GRM7: variants seen among roughly 807,000 people sequenced by gnomAD.
GRM7 encodes glutamate metabotropic receptor 7.
In GRM7, 35 loss-of-function variants were observed where a neutral mutation model predicts 84.5. The ratio of observed to expected loss-of-function variants is 0.41; its 90% CI spans 0.32 to 0.55. GRM7 has a LOEUF of 0.55. Among genes scored for constraint, GRM7 ranks in the 20% least tolerant of loss-of-function variants. GRM7 has a pLI of 0.19. For missense variants in GRM7, 1,003 were observed against 1,194.6 expected (o/e 0.84, Z 2.36); for synonymous variants, 487 against 455.1 (o/e 1.07, Z -0.89).
At chr3:7,329,734 CGT>C (rs1052413334) in intron 4 of GRM7, among the ~76,000 whole-genome samples, 1 of 151,834 alleles carries the variant, frequency 6.6e-6, no homozygotes, top group Admixed American at 6.6e-5. Context: ...TGTGTGTATA[CGT>C]GTGTGTGTTT....
At chr3:6,994,143 G>T (rs534127288) in intron 1 of GRM7, among the ~76,000 whole-genome samples, 1 of 152,158 alleles carries the variant, frequency 6.6e-6, no homozygotes, top group Non-Finnish European at 1.5e-5. Context: ...AGAAAATATT[G>T]AGCCAATAGA....
chr3:7,093,052 G>A (rs1055354235), intron 1 of GRM7, among the ~76,000 whole-genome samples: 1 of 152,006 alleles, frequency 6.6e-6, no homozygotes, highest in African/African-American at 2.4e-5. Context: ...AACAGAACAA[G>A]ACCCTGTCTC....
intron 1 of GRM7, among the ~76,000 whole-genome samples, chr3:7,122,936 T>TG (rs35043485): frequency 0.56 from 85,204 of 152,008 alleles, 26,512 homozygotes; most frequent in African/African-American, 0.85. Flanking sequence ...GGGAACAACC[T>TG]GCAGCTATAA....
intron 7 of GRM7, among the ~76,000 whole-genome samples, chr3:7,464,701 G>A (rs996187517): frequency 3.6e-4 from 54 of 151,880 alleles, no homozygotes; most frequent in Admixed American, 2.9e-3. Context: ...GGTGGCGGGC[G>A]CCTGTAGTCC....
intron 5 of GRM7, among the ~76,000 whole-genome samples, chr3:7,448,094 G>A (rs192107762): frequency 2.0e-5 from 3 of 151,762 alleles, no homozygotes; most frequent in African/African-American, 4.8e-5. Context: ...ATTTTTTATG[G>A]CCGCATAGTA....
intron 7 of GRM7, among the ~76,000 whole-genome samples, chr3:7,516,476 C>CAAAAAAAAAAAAAAAAAAAAA (rs34508559): frequency 6.6e-4 from 28 of 42,470 alleles, no homozygotes; most frequent in Admixed American, 8.6e-4. Context: ...GACTCCCTCT[C>CAAAAAAAAAAAAAAAAAAAAA]AAAAAAAAAA....
chr3:7,183,025 G>A (rs1435755058), intron 2 of GRM7, among the ~76,000 whole-genome samples: 1 of 151,340 alleles, frequency 6.6e-6, no homozygotes, highest in Admixed American at 6.6e-5. Context: ...TAGTGGGGGT[G>A]GCTTTTAAAC....
intron 9 of GRM7, among the ~76,000 whole-genome samples, chr3:7,695,258 A>G (rs570818698): frequency 3.9e-5 from 6 of 152,156 alleles, no homozygotes; most frequent in Non-Finnish European, 7.3e-5. Flanking sequence ...GCAGAAAAAC[A>G]TAGCATCACC....
chr3:7,734,015 A>T (rs189929222), intron 9 of GRM7, among the ~76,000 whole-genome samples: 2 of 152,192 alleles, frequency 1.3e-5, no homozygotes, highest in African/African-American at 4.8e-5. Flanking sequence ...TTTTTGCATT[A>T]TAAGTTCTAT....
chr3:7,414,868 T>C (rs548935286), intron 4 of GRM7, among the ~76,000 whole-genome samples, 155 bp from the exon 5 acceptor site: 86 of 152,166 alleles, frequency 5.7e-4, no homozygotes, highest in African/African-American at 2.0e-3. Context: ...AATTAGAATA[T>C]TTTTCCTCCT....
chr3:7,334,427 GA>G, intron 4 of GRM7, among the ~76,000 whole-genome samples: 1 of 151,386 alleles, frequency 6.6e-6, no homozygotes, highest in East Asian at 1.9e-4. Flanking sequence ...AATAAAACCT[GA>G]AAATATACCA....
chr3:7,683,057 C>G (rs1700442499), intron 9 of GRM7, among the ~76,000 whole-genome samples: 1 of 152,194 alleles, frequency 6.6e-6, no homozygotes, highest in South Asian at 2.1e-4. Context: ...TCCTCTGTTT[C>G]TTAGAATATG....
chr3:7,282,850 G>T (rs1017077797), intron 2 of GRM7, among the ~76,000 whole-genome samples: 1 of 152,130 alleles, frequency 6.6e-6, no homozygotes, highest in Non-Finnish European at 1.5e-5. Context: ...AGATCTCCCA[G>T]AAGAGAGGAA....
chr3:6,947,689 T>C (rs539296889), intron 1 of GRM7, among the ~76,000 whole-genome samples: 1 of 152,176 alleles, frequency 6.6e-6, no homozygotes, highest in Non-Finnish European at 1.5e-5. Context: ...GGTCCTGGAC[T>C]TTTTTTGGTT....
chr3:7,150,424 C>T lies in GRM7; in HGVS notation c.736+3756C>T, dbSNP rs541721168. On this transcript the variant is annotated intron_variant, in intron 2 of 9. Coordinates refer to ENST00000357716, the MANE Select transcript of GRM7 (RefSeq NM_000844.4). ...ATGATGTCAGAGAAAATAAGCCATCCTTTAACAGAGGCCATGTAATTGTTT... is the reference window on the plus strand; with the variant it reads ...ATGATGTCAGAGAAAATAAGCCATCTTTTAACAGAGGCCATGTAATTGTTT... 3.7e-4 allele frequency among the ~76,000 whole-genome samples: 56 copies of T among 152,206 alleles called. 1 individual carries two copies. In the South Asian group the frequency reaches 0.012, roughly 32 times the overall value.
intron 1 of GRM7, among the ~76,000 whole-genome samples, chr3:7,125,865 G>C (rs1455442056): frequency 6.6e-6 from 1 of 152,180 alleles, no homozygotes; most frequent in East Asian, 1.9e-4. Flanking sequence ...CAGTGAACCA[G>C]CTAACTACAC....
chr3:7,606,434 A>G (rs149506526), intron 8 of GRM7, among the ~76,000 whole-genome samples: 213 of 152,312 alleles, frequency 1.4e-3, no homozygotes, highest in African/African-American at 4.8e-3. Context: ...GGTGATTTGG[A>G]CTGTTAAGAT....
At chr3:6,917,742 A>C (rs1352813650) in intron 1 of GRM7, among the ~76,000 whole-genome samples, 1 of 152,142 alleles carries the variant, frequency 6.6e-6, no homozygotes, top group African/African-American at 2.4e-5. Flanking sequence ...ATTACATTGC[A>C]ACTGAATTGA....
intron 8 of GRM7, among the ~76,000 whole-genome samples, chr3:7,580,883 G>C (rs1695216668): frequency 1.4e-5 from 2 of 143,600 alleles, no homozygotes; most frequent in Non-Finnish European, 3.1e-5. Flanking sequence ...AAATACAATA[G>C]AGAGAAGAAA....
Sources: gnomAD v4.1 joint callset for allele counts (sites outside exome capture counted in the v4.1 genomes callset) on GRCh38, gnomAD v4.1.1 for gene constraint, MANE v1.5 for transcripts, NCBI Gene and HGNC (gene_info 2026-07-23, HGNC 2026-07-21) for gene names.